The following SYNPO variants were observed in gnomAD, a reference collection of about 807,000 sequenced individuals.
The protein encoded by SYNPO is synaptopodin.
A neutral mutation model predicts 49.5 loss-of-function variants in SYNPO; 19 were observed. The ratio of observed to expected loss-of-function variants is 0.38; its 90% CI spans 0.27 to 0.56. The LOEUF (loss-of-function observed/expected upper bound fraction) is 0.56, where lower values mean the gene tolerates loss of function less well. Ranked by LOEUF, SYNPO falls within the 20% of genes least tolerant of loss-of-function variation. The pLI is 0.68. For synonymous variants in SYNPO, 536 were observed against 548.0 expected (o/e 0.98, Z 0.31); for missense variants, 1,131 against 1,248.3 (o/e 0.91, Z 1.42).
At chr5:150,631,970 C>T (rs1757555858) in intron 2 of SYNPO, among the ~76,000 whole-genome samples, 1 of 152,158 alleles carries the variant, frequency 6.6e-6, no homozygotes, top group Non-Finnish European at 1.5e-5. Flanking sequence ...ATGAAGGCCG[C>T]CCCAGACCTA....
chr5:150,616,467 A>G (rs1008312503), intron 1 of SYNPO, among the ~76,000 whole-genome samples: 4 of 152,132 alleles, frequency 2.6e-5, no homozygotes, highest in African/African-American at 9.7e-5. Context: ...CCCAAGTGTA[A>G]TTGGCCATCT....
intron 1 of SYNPO, among the ~76,000 whole-genome samples, chr5:150,643,204 A>G (rs1183181771): frequency 6.6e-6 from 1 of 152,160 alleles, no homozygotes; most frequent in Non-Finnish European, 1.5e-5. Context: ...CTCTGCAGTA[A>G]CGTAGAGCCA....
At chr5:150,656,043 C>G (rs1423328121) in intron 2 of SYNPO, among the ~76,000 whole-genome samples, 1 of 152,236 alleles carries the variant, frequency 6.6e-6, no homozygotes, top group East Asian at 1.9e-4. Context: ...CATCAGTTAT[C>G]TCATTTAACC....
At chr5:150,616,017 G>A (rs1756975010) in intron 1 of SYNPO, among the ~76,000 whole-genome samples, 1 of 152,236 alleles carries the variant, frequency 6.6e-6, no homozygotes, top group Non-Finnish European at 1.5e-5. Context: ...CAGAAGGTGG[G>A]CTTCTTTCTC....
rs1157004726 is a variant in SYNPO at position 150,620,951 on chromosome 5, TTTTC to T, written c.400+2188_400+2191del. On this transcript the variant is annotated intron_variant, in intron 2 of 2. Transcript: ENST00000394243. ...TTTCTTTCTTTCTTTCTTTCTTTTC[TTTTC>T]TTTTTTTTTTTTTTTGAGATGGTAT... Among the ~76,000 whole-genome samples, 286 of 140,706 alleles carry T rather than the reference TTTTC, an allele frequency of 2.0e-3. 1 individual carries two copies. Among genetic ancestry groups the T allele is most frequent in the African/African-American group, 6.8e-3 (248 of 36,628 alleles). 92.3% of individuals were successfully genotyped at this position (140,706 alleles called of 152,430 possible).
At chr5:150,596,054 T>C in the SYNPO span, among the ~76,000 whole-genome samples, 1 of 152,192 alleles carries the variant, frequency 6.6e-6, no homozygotes, top group African/African-American at 2.4e-5. Context: ...GGCTTGCCCC[T>C]AGAATCTTCT....
chr5:150,642,933 C>T (rs899833121), intron 1 of SYNPO, among the ~76,000 whole-genome samples: 1 of 152,238 alleles, frequency 6.6e-6, no homozygotes, highest in Non-Finnish European at 1.5e-5. Context: ...CATGGAGCCT[C>T]ACTGAGAGTC....
intron 2 of SYNPO, chr5:150,651,859 A>G: frequency 4.0e-6 from 4 of 1,000,446 alleles, no homozygotes; most frequent in Non-Finnish European, 4.8e-6. Flanking sequence ...AGGTGATATG[A>G]TACAGCCCCC....
exon 2 of SYNPO, chr5:150,618,376 T>A: frequency 6.5e-7 from 1 of 1,549,394 alleles, no homozygotes; most frequent in Non-Finnish European, 8.7e-7. Context: ...CCATGCTGGG[T>A]CCTCACCTCC....
intron 2 of SYNPO, among the ~76,000 whole-genome samples, chr5:150,627,238 G>A (rs1220576223): frequency 6.6e-6 from 1 of 152,222 alleles, no homozygotes; most frequent in Non-Finnish European, 1.5e-5. Flanking sequence ...AAGTACAGGG[G>A]GGTGCTACTG....
At position 150,649,280 on chromosome 5, in the gene SYNPO, G is replaced by C; in HGVS notation, c.1005G>C (p.Arg335Ser). Residue 335 changes from arginine (R) to serine (S), a missense_variant, in exon 2 of 3, where the codon AGG becomes AGC. Around this residue, in one of 4 missense-constraint regions of SYNPO, gnomAD observed 602 missense variants for 720.7 expected, o/e 0.84. Coordinates refer to ENST00000307662, the MANE Select transcript of SYNPO (RefSeq NM_007286.6). ...CAGCCCCTCTGGCTTCCTGGGTGAG[G>C]TCTCCTCCCTCATATTCTGTCCTGT... is the stretch of plus-strand genomic sequence containing the variant. ...LSTAPLASWV[R>S]SPPSYSVLYP... The C allele has an allele frequency of 6.2e-7, 1 of 1,614,172 alleles. No individual in the cohort carries two copies. Among genetic ancestry groups the C allele is most frequent in the South Asian group, 1.1e-5 (1 of 91,086 alleles).
intron 1 of SYNPO, 141 bp downstream of exon 1, chr5:150,640,995 G>T: frequency 2.8e-6 from 1 of 353,544 alleles, no homozygotes; most frequent in Non-Finnish European, 4.0e-6. Context: ...CCTGTGAGTG[G>T]TGAGGCGGGG....
intron 1 of SYNPO, among the ~76,000 whole-genome samples, chr5:150,606,504 G>T (rs1756696273): frequency 6.6e-6 from 1 of 152,248 alleles, no homozygotes; most frequent in South Asian, 2.1e-4. Context: ...CTTCTCCAAG[G>T]CAGGCTGCCT....
At chr5:150,643,293 A>T (rs935364828) in intron 1 of SYNPO, among the ~76,000 whole-genome samples, 9 of 152,196 alleles carry the variant, frequency 5.9e-5, no homozygotes, top group Non-Finnish European at 1.2e-4. Context: ...TAGATTTCTC[A>T]TCAATAAAGT....
intron 1 of SYNPO, among the ~76,000 whole-genome samples, chr5:150,604,621 C>T (rs956318792): frequency 6.6e-6 from 1 of 152,154 alleles, no homozygotes; most frequent in African/African-American, 2.4e-5. Flanking sequence ...AGAAGAGAAA[C>T]TAGGTGACCC....
chr5:150,599,331 G>A (rs995831253), upstream of SYNPO, among the ~76,000 whole-genome samples: 8 of 152,236 alleles, frequency 5.3e-5, no homozygotes, highest in African/African-American at 1.9e-4. Flanking sequence ...GCAAGCTTCT[G>A]CATCAGTGCC....
At chr5:150,635,189 GGT>G (rs1453554612) in intron 2 of SYNPO, among the ~76,000 whole-genome samples, 3 of 152,250 alleles carry the variant, frequency 2.0e-5, no homozygotes, top group African/African-American at 7.2e-5. Flanking sequence ...TGTACCTGCG[GGT>G]GCTCAGTGTG....
At chr5:150,608,657 A>C (rs1484691273) in intron 1 of SYNPO, 1 of 152,092 alleles carries the variant, frequency 6.6e-6, no homozygotes, top group African/African-American at 2.4e-5. Context: ...GGGCATCTAC[A>C]TAGTGCTTGC....
intron 2 of SYNPO, among the ~76,000 whole-genome samples, chr5:150,629,916 T>TAA (rs1347906229): frequency 1.3e-5 from 2 of 151,962 alleles, no homozygotes; most frequent in African/African-American, 4.8e-5. Context: ...ACTGTGTGCT[T>TAA]AACTTCTTCG....
Sources: gnomAD v4.1 joint callset for allele counts (sites outside exome capture counted in the v4.1 genomes callset) on GRCh38, gnomAD v4.1.1 for gene constraint, gnomAD v4.1.1 regional missense constraint, MANE v1.5 for transcripts, NCBI Gene and HGNC (gene_info 2026-07-23, HGNC 2026-07-21) for gene names.